Variants in FBN2 observed in about 807,000 individuals in gnomAD.
FBN2 encodes the protein fibrillin-2.
Under a neutral mutation model 355.6 loss-of-function variants are expected in FBN2, and 105 were observed. The observed-to-expected ratio is 0.30, with a 90% confidence interval of 0.25 to 0.35. FBN2 has a LOEUF of 0.35. FBN2 is among the 10% of genes least tolerant of loss of function. The pLI is 1.00. For synonymous variants in FBN2, 1,350 were observed against 1,301.2 expected, an observed-to-expected ratio of 1.04 and a Z score of -0.81; for missense variants, 3,280 against 3,758.7, an observed-to-expected ratio of 0.87 and a Z score of 3.33.
chr5:128,374,618 T>C lies in FBN2; in HGVS notation c.2095+10A>G. On this transcript the variant is annotated intron_variant, in intron 15 of 64. Coordinates refer to ENST00000262464, the MANE Select transcript of FBN2 (RefSeq NM_001999.4). ...TGCACAGTGGGGCCATTATAAAATG[T>C]TTCACTTACCAACACACACACGTCC... is the stretch of plus-strand genomic sequence containing the variant. 1.2e-6 allele frequency: 2 copies of C among 1,613,880 alleles called. No homozygotes were observed. The highest frequency in any genetic ancestry group is 1.7e-6 in the Non-Finnish European group (2 of 1,179,838).
At chr5:128,518,259 C>T (rs894351125) in intron 5 of FBN2, among the ~76,000 whole-genome samples, 2 of 148,802 alleles carry the variant, frequency 1.3e-5, no homozygotes, top group Non-Finnish European at 3.0e-5. Context: ...TCCCATGATC[C>T]ATAATGAGGG....
chr5:128,368,640 T>A (rs537199744), intron 16 of FBN2, among the ~76,000 whole-genome samples: 4 of 151,904 alleles, frequency 2.6e-5, no homozygotes, highest in African/African-American at 9.6e-5. Flanking sequence ...AACCCTCTTA[T>A]AATAATCATA....
At chr5:128,330,772 T>C in intron 32 of FBN2, 77 bp from the exon 33 acceptor site, 1 of 1,501,480 alleles carries the variant, frequency 6.7e-7, no homozygotes, top group Non-Finnish European at 9.2e-7. Flanking sequence ...TTTGTCTTAA[T>C]TTACATATAA....
intron 20 of FBN2, among the ~76,000 whole-genome samples, chr5:128,355,063 A>T (rs1018642493): frequency 1.3e-5 from 2 of 152,238 alleles, no homozygotes; most frequent in Non-Finnish European, 2.9e-5. Flanking sequence ...GGGAGGACTC[A>T]GTAAAGGAAA....
At chr5:128,532,867 A>G (rs1756743478) in intron 2 of FBN2, among the ~76,000 whole-genome samples, 1 of 152,076 alleles carries the variant, frequency 6.6e-6, no homozygotes, top group Non-Finnish European at 1.5e-5. Context: ...GCAGACCCCA[A>G]CGCTACGAAA....
intron 5 of FBN2, among the ~76,000 whole-genome samples, chr5:128,470,642 G>C (rs555198170): frequency 6.6e-6 from 1 of 152,260 alleles, no homozygotes; most frequent in African/African-American, 2.4e-5. Context: ...TGCTGGACAA[G>C]ACGGGAAGTA....
intron 3 of FBN2, among the ~76,000 whole-genome samples, chr5:128,529,845 A>T (rs1283975783): frequency 6.6e-6 from 1 of 152,196 alleles, no homozygotes; most frequent in East Asian, 1.9e-4. Flanking sequence ...TGAAATTAAG[A>T]GAGTTTTCAT....
chr5:128,329,868 C>T (rs766591827), intron 33 of FBN2, among the ~76,000 whole-genome samples: 1 of 152,116 alleles, frequency 6.6e-6, no homozygotes, highest in Non-Finnish European at 1.5e-5. Context: ...ACTTTACGTC[C>T]AGCAAGATTA....
intron 41 of FBN2, 57 bp from the exon 42 acceptor site, chr5:128,307,260 A>G: frequency 1.0e-6 from 1 of 966,012 alleles, no homozygotes; most frequent in South Asian, 1.3e-5. Flanking sequence ...CTTCAAAATA[A>G]CATTTTGTAT....
intron 7 of FBN2, among the ~76,000 whole-genome samples, chr5:128,426,464 T>C (rs1753486005): frequency 6.6e-6 from 1 of 152,160 alleles, no homozygotes; most frequent in Admixed American, 6.5e-5. Context: ...ATATGGTAAA[T>C]GGGTATTTGA....
At chr5:128,272,242 TAGAG>T (rs1561740981) in intron 61 of FBN2, 124 bp from the exon 62 acceptor site, 8 of 1,085,178 alleles carry the variant, frequency 7.4e-6, no homozygotes, top group Admixed American at 2.0e-5. Context: ...ACATGACACA[TAGAG>T]AGGCTGTCAT....
chr5:128,268,510 C>T (rs181943520), intron 62 of FBN2, among the ~76,000 whole-genome samples: 1 of 152,300 alleles, frequency 6.6e-6, no homozygotes, highest in Non-Finnish European at 1.5e-5. Context: ...AGGGACTACT[C>T]CCTGACTCAT....
At chr5:128,499,239 C>T (rs1002620170) in intron 5 of FBN2, among the ~76,000 whole-genome samples, 5 of 151,718 alleles carry the variant, frequency 3.3e-5, no homozygotes, top group African/African-American at 1.2e-4. Flanking sequence ...TAAATTATAC[C>T]CAGAGTGGCT....
chr5:128,389,841 C>A (rs937452463), intron 11 of FBN2, among the ~76,000 whole-genome samples: 1 of 152,170 alleles, frequency 6.6e-6, no homozygotes, highest in Non-Finnish European at 1.5e-5. Context: ...GGCTTCCCAG[C>A]TTCCTCCTAC....
At chr5:128,319,382 G>C (rs1468828930) in intron 34 of FBN2, among the ~76,000 whole-genome samples, 1 of 151,694 alleles carries the variant, frequency 6.6e-6, no homozygotes, top group African/African-American at 2.4e-5. Context: ...AGTGCAAACA[G>C]CAGACATTTT....
chr5:128,387,158 G>A (rs749805529), intron 11 of FBN2, among the ~76,000 whole-genome samples: 13 of 152,000 alleles, frequency 8.6e-5, no homozygotes, highest in Non-Finnish European at 1.3e-4. Flanking sequence ...TTTCTTCCTG[G>A]CTCAATCTTG....
chr5:128,485,701 A>T (rs537429331), intron 5 of FBN2, among the ~76,000 whole-genome samples: 1 of 152,306 alleles, frequency 6.6e-6, no homozygotes, highest in African/African-American at 2.4e-5. Context: ...TACACTCTGG[A>T]AAAGGAGGAA....
At chr5:128,416,972 C>A (rs980577320) in intron 7 of FBN2, among the ~76,000 whole-genome samples, 1 of 152,104 alleles carries the variant, frequency 6.6e-6, no homozygotes, top group Non-Finnish European at 1.5e-5. Context: ...ATTAATTCTT[C>A]TGATCTATAA....
intron 34 of FBN2, among the ~76,000 whole-genome samples, chr5:128,324,830 A>G (rs1164853487): frequency 6.6e-6 from 1 of 152,096 alleles, no homozygotes; most frequent in East Asian, 1.9e-4. Flanking sequence ...CATGTTAGCC[A>G]GTATGATCTT....
Sources: gnomAD v4.1 joint callset for allele counts (sites outside exome capture counted in the v4.1 genomes callset) on GRCh38, gnomAD v4.1.1 for gene constraint, MANE v1.5 for transcripts, NCBI Gene and HGNC (gene_info 2026-07-23, HGNC 2026-07-21) for gene names.